The following VWCE variants were observed in gnomAD, a reference collection of about 807,000 sequenced individuals.
The protein encoded by VWCE is von Willebrand factor C and EGF domains, also known as von Willebrand factor C and EGF domain-containing protein.
In VWCE, 68 loss-of-function variants were observed where a neutral mutation model predicts 102.9. The observed-to-expected ratio is 0.66, with a 90% confidence interval of 0.54 to 0.81. The LOEUF (loss-of-function observed/expected upper bound fraction) is 0.81. VWCE is among the 30% of genes least tolerant of loss of function. VWCE has a pLI of 0.00. For missense variants in VWCE, 1,137 were observed against 1,263.6 expected (o/e 0.90, Z 1.52); for synonymous variants, 497 against 515.4 (o/e 0.96, Z 0.48).
Position 61,274,567 on chromosome 11 carries a change from C to T in VWCE, c.1513G>A (p.Gly505Ser), listed in dbSNP as rs763337070. 8 of 1,613,750 alleles carry T rather than the reference C, an allele frequency of 5.0e-6. No individual in the cohort carries two copies. The highest frequency in any genetic ancestry group is 2.2e-5 in the East Asian group (1 of 44,878). Residue 505 changes from glycine to serine, a missense_variant, in exon 12 of 20, where the codon GGC (glycine) becomes AGC (serine). Coordinates refer to ENST00000335613, the MANE Select transcript of VWCE (RefSeq NM_152718.2). Reference sequence around the variant, plus strand: ...ACAGCCCCGTCTGCGTACCACCGGCCGTGGAAATAGCATCTCACTGCAGAG... The same window carrying T: ...ACAGCCCCGTCTGCGTACCACCGGCTGTGGAAATAGCATCTCACTGCAGAG... ...TCVPVRCYFH[G>S]RWYADGAVFS...
chr11:61,293,736 CA>C (rs1855586408), intron 1 of VWCE, among the ~76,000 whole-genome samples: 1 of 152,186 alleles, frequency 6.6e-6, no homozygotes. Context: ...TGGGACAAGG[CA>C]AACTTAGCGT....
intron 10 of VWCE, among the ~76,000 whole-genome samples, chr11:61,277,141 GAAAC>G (rs151105247): frequency 0.021 from 2,487 of 119,674 alleles, 47 homozygotes; most frequent in Non-Finnish European, 0.031. Flanking sequence ...AGAGAAGAAA[GAAAC>G]AAGAAAGAAA....
At chr11:61,292,963 C>T (rs1422812663) in intron 1 of VWCE, among the ~76,000 whole-genome samples, 2 of 151,760 alleles carry the variant, frequency 1.3e-5, no homozygotes, top group Admixed American at 6.6e-5. Flanking sequence ...AAATACAGGC[C>T]GGGCGCGGTG....
intron 16 of VWCE, among the ~76,000 whole-genome samples, chr11:61,265,774 G>A (rs1161197573): frequency 1.3e-5 from 2 of 152,232 alleles, no homozygotes; most frequent in South Asian, 2.1e-4. Context: ...TACCCGGAGT[G>A]GTGGCTCACA....
chr11:61,276,685 G>A lies in VWCE; in HGVS notation c.1408-5C>T. ...GATGCAGGACACGTTTCCAGCCTGA[G>A]GAGGAGGCAAGAGAGGGCACTGGGG... is the stretch of plus-strand genomic sequence containing the variant. On this transcript the variant is annotated splice_region_variant and splice_polypyrimidine_tract_variant and intron_variant, in intron 10 of 19. Coordinates refer to ENST00000335613, the MANE Select transcript of VWCE (RefSeq NM_152718.2). The A allele has an allele frequency of 6.3e-7, 1 of 1,597,848 alleles. No homozygotes were observed. Among genetic ancestry groups the A allele is most frequent in the Non-Finnish European group, 8.5e-7 (1 of 1,172,370 alleles).
At chr11:61,290,739 G>A (rs1397287866) in intron 4 of VWCE, 60 bp downstream of exon 4, 2 of 1,553,286 alleles carry the variant, frequency 1.3e-6, no homozygotes, top group Non-Finnish European at 1.7e-6. Context: ...GGCAGGAGGG[G>A]GAGGAGATAT....
chr11:61,278,512 C>G, intron 9 of VWCE, 36 bp from the exon 10 acceptor site: 1 of 1,603,748 alleles, frequency 6.2e-7, no homozygotes, highest in Non-Finnish European at 8.5e-7. Context: ...GGCATCAGAC[C>G]TCTTCAAAGA....
intron 4 of VWCE, 58 bp downstream of exon 4, chr11:61,290,741 A>C: frequency 4.5e-6 from 7 of 1,540,358 alleles, no homozygotes; most frequent in Non-Finnish European, 6.1e-6. Flanking sequence ...CAGGAGGGGG[A>C]GGAGATATAA....
intron 1 of VWCE, among the ~76,000 whole-genome samples, chr11:61,293,945 G>T (rs1676251981): frequency 6.6e-6 from 1 of 152,160 alleles, no homozygotes; most frequent in Admixed American, 6.5e-5. Flanking sequence ...CCCCTTGCTG[G>T]AGTGATTATG....
Position 61,258,824 on chromosome 11 carries a change from TG to T in VWCE, c.2718del (p.Ser907AlafsTer77). 6.6e-7 allele frequency: 1 copy of T among 1,509,470 alleles called. No individual in the cohort carries two copies. Among genetic ancestry groups the T allele is most frequent in the Non-Finnish European group, 8.8e-7 (1 of 1,130,940 alleles). 93.5% of individuals were successfully genotyped at this position (1,509,470 alleles called of 1,614,324 possible). On this transcript the variant is annotated frameshift_variant, in exon 20 of 20. Coordinates refer to ENST00000335613, the MANE Select transcript of VWCE (RefSeq NM_152718.2). LOFTEE classifies it low-confidence loss of function (END_TRUNC). ...TEASALSMMDPSPSKTPITLL... is the reference protein window; with the variant it reads ...TEASALSMMDXSPSKTPITLL... ...AGGGTGATGGGGGTCTTCGAGGGGCTGGGGTCCATCATGGAAAGTGCTGAAG... is the reference window on the plus strand; with the variant it reads ...AGGGTGATGGGGGTCTTCGAGGGGCTGGGTCCATCATGGAAAGTGCTGAAG...
intron 13 of VWCE, among the ~76,000 whole-genome samples, chr11:61,272,938 A>G (rs1386661515): frequency 1.3e-5 from 2 of 152,080 alleles, no homozygotes; most frequent in African/African-American, 4.8e-5. Context: ...ATACATAAAT[A>G]CAAAGACACA....
At chr11:61,276,510 A>C in intron 11 of VWCE, 83 bp downstream of exon 11, 1 of 1,103,506 alleles carries the variant, frequency 9.1e-7, no homozygotes, top group Non-Finnish European at 1.2e-6. Flanking sequence ...CTGAGGCTCA[A>C]CACCAGCCTG....
rs1222025291 is a variant in VWCE, at chr11:61,294,466, G to T, written c.110+462C>A. Reference sequence around the variant, plus strand: ...CACACGCACGGACAGAAAACGAAAAGTGACCCAGAGACCCCGGCTGTTCCA... The same window carrying T: ...CACACGCACGGACAGAAAACGAAAATTGACCCAGAGACCCCGGCTGTTCCA... On this transcript the variant is annotated intron_variant, in intron 1 of 19. Coordinates refer to ENST00000335613, the MANE Select transcript of VWCE (RefSeq NM_152718.2). This position sits in a 1 kb window ranked among gnomAD's most constrained non-coding sequence, Gnocchi z 6.3. 6.6e-6 allele frequency among the ~76,000 whole-genome samples: 1 copy of T among 152,220 alleles called. No individual in the cohort carries two copies. The highest frequency in any genetic ancestry group is 1.9e-4 in the East Asian group (1 of 5,192).
chr11:61,269,088 G>C (rs543318125), intron 14 of VWCE, 70 bp from the exon 15 acceptor site: 2 of 1,465,238 alleles, frequency 1.4e-6, no homozygotes, highest in East Asian at 4.7e-5. Flanking sequence ...CCCTGCAAAA[G>C]AAACAGCAAC....
chr11:61,281,629 T>TGG (rs1855138359), intron 7 of VWCE, among the ~76,000 whole-genome samples, 157 bp downstream of exon 7: 1 of 101,286 alleles, frequency 9.9e-6, no homozygotes, highest in Admixed American at 1.1e-4. Context: ...TAGCGCCAGG[T>TGG]GGGCGGGGCC....
At chr11:61,285,965 G>C (rs1428439280) in intron 5 of VWCE, among the ~76,000 whole-genome samples, 1 of 152,142 alleles carries the variant, frequency 6.6e-6, no homozygotes, top group Non-Finnish European at 1.5e-5. Context: ...TGTTGGCCAG[G>C]CTGGTCTCAA....
At chr11:61,269,103 C>A in intron 14 of VWCE, 85 bp from the exon 15 acceptor site, 2 of 1,306,046 alleles carry the variant, frequency 1.5e-6, no homozygotes, top group Non-Finnish European at 1.1e-6. Flanking sequence ...AGCAACGCTG[C>A]AAACTGGCCA....
chr11:61,287,850 A>T (rs904106082), intron 4 of VWCE, among the ~76,000 whole-genome samples: 2 of 152,020 alleles, frequency 1.3e-5, no homozygotes, highest in African/African-American at 4.8e-5. Flanking sequence ...ACAGGACTGA[A>T]GATATGGATT....
chr11:61,259,717 G>A (rs1854299194), intron 19 of VWCE, among the ~76,000 whole-genome samples: 2 of 152,188 alleles, frequency 1.3e-5, no homozygotes, highest in Admixed American at 6.5e-5. Flanking sequence ...ACGCTGGTAT[G>A]GGGTGCTAAT....
Sources: gnomAD v4.1 joint callset for allele counts (sites outside exome capture counted in the v4.1 genomes callset) on GRCh38, gnomAD v4.1.1 for gene constraint, Gnocchi (gnomAD v3.1) non-coding constraint, MANE v1.5 for transcripts, NCBI Gene and HGNC (gene_info 2026-07-23, HGNC 2026-07-21) for gene names.